The following TTC28 variants were observed in gnomAD, a reference collection of about 807,000 sequenced individuals.
TTC28 encodes the protein tetratricopeptide repeat protein 28.
Under a neutral mutation model 198.0 loss-of-function variants are expected in TTC28, and 61 were observed. The observed-to-expected ratio is 0.31, with a 90% CI of 0.25 to 0.38. The LOEUF (loss-of-function observed/expected upper bound fraction) is 0.38. Ranked by LOEUF, TTC28 falls within the 10% of genes least tolerant of loss-of-function variation. The pLI, the probability that TTC28 is intolerant of heterozygous loss-of-function variation, is 1.00. For missense variants in TTC28, 2,678 were observed against 3,164.0 expected, an observed-to-expected ratio of 0.85 and a Z score of 3.69; for synonymous variants, 1,171 against 1,297.8, an observed-to-expected ratio of 0.90 and a Z score of 2.10.
intron 21 of TTC28, chr22:27,985,694 G>A (rs908166663): frequency 4.5e-6 from 1 of 223,570 alleles, no homozygotes; most frequent in African/African-American, 2.2e-5. Context: ...TTTCACAGAA[G>A]TACAGTCTAT....
chr22:28,263,059 A>G (rs1341340563), intron 5 of TTC28, among the ~76,000 whole-genome samples: 2 of 152,174 alleles, frequency 1.3e-5, no homozygotes, highest in African/African-American at 4.8e-5. Context: ...AGACTTGAAA[A>G]GTCCAAAGTG....
In TTC28 at chr22:28,628,913, G is replaced by GA. The variant is rs1432769333; in HGVS notation, c.381+638dup. 4.2e-5 allele frequency among the ~76,000 whole-genome samples: 6 copies of GA among 141,226 alleles called. No homozygotes were observed. In the East Asian group the frequency reaches 1.2e-3, roughly 29 times the overall value. The allele number at this position is 141,226 out of a possible 152,430, so 92.6% of individuals were successfully genotyped here. A position where few individuals can be genotyped will look rare whatever the true frequency, so the allele number is the denominator to read the frequency against. ...ACAGAGTAAGACCTTGTCTCAGAAA[G>GA]AAAAAAGGAAAAAGGAAAAAAGAAA... On this transcript the variant is annotated intron_variant, in intron 2 of 22. Transcript: ENST00000397906.
rs2145977399 is a variant in TTC28, at chr22:28,555,553, T to G, written c.381+73999A>C. On this transcript the variant is annotated intron_variant, in intron 2 of 22. Coordinates refer to ENST00000397906, the MANE Select transcript of TTC28 (RefSeq NM_001145418.2). Reference sequence around the variant, plus strand: ...ATAATGGCATTTGCAGCAACCTGAATGGAATTGGAGACTATTATTCTAGGT... The same window carrying G: ...ATAATGGCATTTGCAGCAACCTGAAGGGAATTGGAGACTATTATTCTAGGT... Among the ~76,000 whole-genome samples the G allele has an allele frequency of 2.0e-5, 3 of 152,268 alleles. No homozygotes were observed. The South Asian group carries it at 6.2e-4, about 32-fold the overall frequency.
At chr22:28,001,664 G>T in intron 14 of TTC28, 111 bp from the exon 15 acceptor site, 1 of 1,294,412 alleles carries the variant, frequency 7.7e-7, no homozygotes, top group Non-Finnish European at 1.0e-6. Flanking sequence ...AGCAGGTGAG[G>T]CCTGTGGGGG....
intron 5 of TTC28, among the ~76,000 whole-genome samples, chr22:28,173,541 G>A (rs1051296255): frequency 6.6e-5 from 10 of 152,282 alleles, no homozygotes; most frequent in African/African-American, 2.4e-4. Flanking sequence ...CTTTCTACAA[G>A]ATATAAATTA....
At chr22:28,592,721 C>G (rs1443174318) in intron 2 of TTC28, among the ~76,000 whole-genome samples, 1 of 152,106 alleles carries the variant, frequency 6.6e-6, no homozygotes, top group East Asian at 1.9e-4. Flanking sequence ...GGACACTTTC[C>G]TTCATTGGCT....
chr22:28,493,249 G>A (rs1050826899), intron 2 of TTC28, among the ~76,000 whole-genome samples: 3 of 151,908 alleles, frequency 2.0e-5, no homozygotes, highest in African/African-American at 4.8e-5. Flanking sequence ...TCAGCTACTC[G>A]GTAGGCTGAG....
chr22:28,630,549 C>A (rs1718812897), intron 1 of TTC28, among the ~76,000 whole-genome samples: 1 of 152,158 alleles, frequency 6.6e-6, no homozygotes, highest in South Asian at 2.1e-4. Context: ...CTACTAGCCT[C>A]AAGAGATCTT....
intron 2 of TTC28, among the ~76,000 whole-genome samples, chr22:28,355,705 T>G (rs968886574): frequency 1.2e-4 from 18 of 152,240 alleles, no homozygotes; most frequent in African/African-American, 4.3e-4. Flanking sequence ...GGCCAAAAGC[T>G]GTCCAGATCC....
At chr22:28,623,426 A>G (rs960705454) in intron 2 of TTC28, among the ~76,000 whole-genome samples, 4 of 152,238 alleles carry the variant, frequency 2.6e-5, no homozygotes, top group Admixed American at 6.5e-5. Context: ...TAAATAGCCA[A>G]TTCCAAAATC....
intron 2 of TTC28, among the ~76,000 whole-genome samples, chr22:28,580,549 G>GT (rs905088601): frequency 5.3e-5 from 8 of 151,554 alleles, no homozygotes; most frequent in South Asian, 2.1e-4. Flanking sequence ...ACTAATTTTT[G>GT]TTTTTTTTAC....
chr22:28,214,922 C>T (rs1927256181), intron 5 of TTC28, among the ~76,000 whole-genome samples: 1 of 152,166 alleles, frequency 6.6e-6, no homozygotes, highest in Admixed American at 6.5e-5. Flanking sequence ...GAAAATGTGG[C>T]ACATATATAC....
chr22:28,653,543 C>T (rs892603628), intron 1 of TTC28, among the ~76,000 whole-genome samples: 2 of 151,688 alleles, frequency 1.3e-5, no homozygotes, highest in Non-Finnish European at 2.9e-5. Flanking sequence ...ATCCTCTCTT[C>T]CAGGAGTTAT....
intron 1 of TTC28, among the ~76,000 whole-genome samples, chr22:28,640,890 C>T (rs1327533364): frequency 6.6e-6 from 1 of 152,044 alleles, no homozygotes; most frequent in Non-Finnish European, 1.5e-5. Context: ...GAACTGAAAA[C>T]CTGTCCATGG....
chr22:28,521,355 C>T (rs1232231786), intron 2 of TTC28, among the ~76,000 whole-genome samples: 2 of 152,024 alleles, frequency 1.3e-5, no homozygotes, highest in Admixed American at 6.6e-5. Flanking sequence ...TATGATGAGC[C>T]GTGACCAAGC....
chr22:28,636,127 ATTTTTTTTTTT>A (rs71316851), intron 1 of TTC28, among the ~76,000 whole-genome samples: 2 of 65,722 alleles, frequency 3.0e-5, no homozygotes, highest in African/African-American at 1.3e-4. Flanking sequence ...AAATGTCAGG[ATTTTTTTTTTT>A]TTTTTTTTTT....
intron 5 of TTC28, among the ~76,000 whole-genome samples, chr22:28,259,313 G>T (rs193049084): frequency 2.0e-5 from 3 of 152,024 alleles, no homozygotes; most frequent in Admixed American, 2.0e-4. Context: ...GAATAAAAAT[G>T]GATTTAATAA....
At chr22:28,057,818 C>A (rs1473982606) in intron 12 of TTC28, among the ~76,000 whole-genome samples, 3 of 151,720 alleles carry the variant, frequency 2.0e-5, no homozygotes, top group African/African-American at 7.3e-5. Context: ...GTAGATATAC[C>A]CAGTTGTTCC....
intron 5 of TTC28, among the ~76,000 whole-genome samples, chr22:28,192,451 C>T (rs1021473561): frequency 6.6e-6 from 1 of 152,104 alleles, no homozygotes; most frequent in South Asian, 2.1e-4. Context: ...ATGACTTTGA[C>T]GAGTTGAGAG....
Sources: allele counts gnomAD v4.1 joint callset (sites outside exome capture counted in the v4.1 genomes callset), GRCh38; gene constraint gnomAD v4.1.1; transcripts MANE v1.5; gene names NCBI Gene and HGNC (gene_info 2026-07-23, HGNC 2026-07-21).